Variants in DHX30 observed in about 807,000 individuals in gnomAD.
DHX30 encodes DExH-box helicase 30, also known as ATP-dependent RNA helicase DHX30.
A neutral mutation model predicts 116.9 loss-of-function variants in DHX30; 4 were observed. The observed-to-expected ratio is 0.03, with a 90% CI of 0.02 to 0.08. The LOEUF (loss-of-function observed/expected upper bound fraction) is 0.08. Ranked by LOEUF, DHX30 falls within the 10% of genes least tolerant of loss-of-function variation. The pLI is 1.00. For missense variants in DHX30, 871 were observed against 1,595.1 expected (o/e 0.55, Z 7.73); for synonymous variants, 697 against 651.7 (o/e 1.07, Z -1.06).
intron 4 of DHX30, among the ~76,000 whole-genome samples, chr3:47,826,612 A>AT: frequency 1.3e-5 from 2 of 152,070 alleles, no homozygotes; most frequent in African/African-American, 4.8e-5. Context: ...GGCCTGGCTA[A>AT]TTTTTTGTAT....
At chr3:47,824,759 CCCAACAGCCTCATT>C (rs2036465806) in intron 4 of DHX30, 1 of 366,690 alleles carries the variant, frequency 2.7e-6, no homozygotes, top group African/African-American at 2.1e-5. Flanking sequence ...TTATTTTCCC[CCCAACAGCCTCATT>C]CCATCTTCCT....
rs754495880 is a variant in DHX30 at position 47,848,532 on chromosome 3, A to C, written c.2557A>C (p.Ile853Leu). The change falls in exon 16 of 22, where the codon ATC (isoleucine) becomes CTC (leucine). Residue 853 changes from isoleucine to leucine, a missense_variant. Ile to Leu is a conservative substitution (Grantham distance 5, BLOSUM62 2). Around this residue, in one of 13 missense-constraint regions of DHX30, gnomAD observed 238 missense variants for 481.0 expected, o/e 0.49. Transcript: ENST00000445061. This position sits in a 1 kb window ranked among gnomAD's most constrained non-coding sequence, Gnocchi z 9.4. The stretch of plus-strand genomic sequence containing the variant: ...CATCAAGGCAGTGGACGAGGCTGTG[A>C]TCTTGCTCCAGGAGATCGGTATGTA... ...PNIKAVDEAV[I>L]LLQEIGVLDQ... 1 of 1,612,154 alleles carries C rather than the reference A, an allele frequency of 6.2e-7. No individual in the cohort carries two copies. Among genetic ancestry groups the C allele is most frequent in the Admixed American group, 1.7e-5 (1 of 59,942 alleles).
chr3:47,847,988 C>G lies in DHX30; in HGVS notation c.2286+32C>G, dbSNP rs200060419. The G allele has an allele frequency of 1.2e-6, 2 of 1,609,972 alleles. No homozygotes were observed. The highest frequency in any genetic ancestry group is 1.3e-5 in the African/African-American group (1 of 75,020). On this transcript the variant is annotated intron_variant, in intron 14 of 21. Coordinates refer to ENST00000445061, the MANE Select transcript of DHX30 (RefSeq NM_138615.3). The surrounding 1 kb of genome is among the most constrained non-coding windows in gnomAD (Gnocchi z 5.5). ...CCTACCTCCTGGGCCCGGCCAACCACTGGGGGAGGGACTCCGTTTTGAGGT... is the reference window on the plus strand; with the variant it reads ...CCTACCTCCTGGGCCCGGCCAACCAGTGGGGGAGGGACTCCGTTTTGAGGT...
intron 2 of DHX30, among the ~76,000 whole-genome samples, chr3:47,805,897 G>A (rs1161491688): frequency 6.6e-6 from 1 of 152,160 alleles, no homozygotes; most frequent in East Asian, 1.9e-4. Flanking sequence ...ATCCCCAAGT[G>A]ACTCTACCTG....
rs201095898 is a variant in DHX30 at position 47,846,587 on chromosome 3, C to T, written c.1515C>T (p.His505=). The T allele has an allele frequency of 9.9e-5, 160 of 1,614,146 alleles. No individual in the cohort carries two copies. Among genetic ancestry groups the T allele is most frequent in the Non-Finnish European group, 1.3e-4 (149 of 1,180,034 alleles). ...TGTCTGTGGCACAGCGGGTCAGCCACGAACTGGGCCCCTCCCTGCGCCGGA... is the reference window on the plus strand; with the variant it reads ...TGTCTGTGGCACAGCGGGTCAGCCATGAACTGGGCCCCTCCCTGCGCCGGA... ...SAVSVAQRVS[H]ELGPSLRRNV... is the part of the protein sequence containing the mutation. The change falls in exon 11 of 22, where the codon CAC becomes CAT. Residue 505 remains histidine, a synonymous_variant. Coordinates refer to ENST00000445061, the MANE Select transcript of DHX30 (RefSeq NM_138615.3).
chr3:47,819,372 G>A, intron 4 of DHX30: 1 of 1,036,592 alleles, frequency 9.6e-7, no homozygotes, highest in African/African-American at 1.6e-5. Context: ...ACACGCGGAG[G>A]AGAACACTGA....
chr3:47,828,239 C>G (rs2036636115), intron 5 of DHX30, among the ~76,000 whole-genome samples: 6 of 151,416 alleles, frequency 4.0e-5, no homozygotes, highest in Admixed American at 4.0e-4. Context: ...TAGGGAGGAT[C>G]CCTTGAGCCC....
intron 10 of DHX30, 136 bp from the exon 11 acceptor site, chr3:47,846,029 A>G (rs1164164996): frequency 2.2e-6 from 3 of 1,388,130 alleles, no homozygotes; most frequent in Non-Finnish European, 2.9e-6. Flanking sequence ...ATCCCGGGGC[A>G]GTCATGGACT....
intron 4 of DHX30, among the ~76,000 whole-genome samples, chr3:47,825,552 T>G (rs1466886430): frequency 6.6e-6 from 1 of 152,164 alleles, no homozygotes; most frequent in Non-Finnish European, 1.5e-5. Flanking sequence ...GGCTAGAGCT[T>G]CTAGGGACAA....
In DHX30 at chr3:47,848,403, C is replaced by T. The variant is rs1202350682; in HGVS notation, c.2493+17C>T. 1 of 1,613,728 alleles carries T rather than the reference C, an allele frequency of 6.2e-7. No homozygotes were observed. Among genetic ancestry groups the T allele is most frequent in the Non-Finnish European group, 8.5e-7 (1 of 1,179,946 alleles). ...GAGAAGACGGTGCGGCGGGGCGGGG[C>T]AGGGGCTGGCCTGGGGACCAGGCAG... On this transcript the variant is annotated intron_variant, in intron 15 of 21. Coordinates refer to ENST00000445061, the MANE Select transcript of DHX30 (RefSeq NM_138615.3). The surrounding 1 kb of genome is among the most constrained non-coding windows in gnomAD (Gnocchi z 9.4).
At chr3:47,827,607 A>T in intron 5 of DHX30, 130 bp downstream of exon 5, 1 of 1,268,858 alleles carries the variant, frequency 7.9e-7, no homozygotes, top group Non-Finnish European at 1.1e-6. Context: ...GTCAGCAGAG[A>T]CTCAGAGCAA....
intron 8 of DHX30, chr3:47,842,604 T>C (rs2037429609): frequency 6.5e-6 from 1 of 152,674 alleles, no homozygotes; most frequent in Non-Finnish European, 1.5e-5. Context: ...ATCGAGCCCC[T>C]TCCTCGTGGC....
Position 47,848,688 on chromosome 3 carries a change from C to A in DHX30, c.2640C>A (p.Asp880Glu), listed in dbSNP as rs748267741. ...LGQRLAHIST[D>E]PRLAKAIVLA... The stretch of plus-strand genomic sequence containing the variant: ...AGCGCCTGGCTCACATCTCCACCGA[C>A]CCCCGGTTGGCCAAGGCCATTGTGT... The change falls in exon 17 of 22, where the codon GAC becomes GAA. Residue 880 changes from aspartate to glutamate, a missense_variant. Transcript: ENST00000445061. This position sits in a 1 kb window ranked among gnomAD's most constrained non-coding sequence, Gnocchi z 9.4. 6.2e-7 allele frequency: 1 copy of A among 1,614,158 alleles called. No individual in the cohort carries two copies. Among genetic ancestry groups the A allele is most frequent in the Non-Finnish European group, 8.5e-7 (1 of 1,180,006 alleles).
chr3:47,810,936 C>T (rs1363431113), intron 3 of DHX30, among the ~76,000 whole-genome samples: 1 of 152,220 alleles, frequency 6.6e-6, no homozygotes, highest in Non-Finnish European at 1.5e-5. Flanking sequence ...CTGCGTACTC[C>T]CTGCTTATTA....
At chr3:47,827,622 A>G (rs1038518649) in intron 5 of DHX30, 145 bp downstream of exon 5, 3 of 1,170,356 alleles carry the variant, frequency 2.6e-6, no homozygotes, top group Admixed American at 6.0e-5. Context: ...GAGCAAAGCT[A>G]GGTTTGAAGA....
At chr3:47,839,280 C>CTTTTTTTTT (rs59932351) in intron 6 of DHX30, among the ~76,000 whole-genome samples, 1 of 129,806 alleles carries the variant, frequency 7.7e-6, no homozygotes, top group African/African-American at 3.0e-5. Context: ...CTTATATTCT[C>CTTTTTTTTT]TTTTTTTTTT....
intron 6 of DHX30, among the ~76,000 whole-genome samples, chr3:47,833,772 C>T (rs943127818): frequency 2.0e-5 from 3 of 151,486 alleles, no homozygotes; most frequent in South Asian, 2.1e-4. Context: ...GCAGGAGAAT[C>T]GGTTGAACCC....
Position 47,813,205 on chromosome 3 carries a change from C to T in DHX30, c.28+2494C>T, listed in dbSNP as rs768033641. On this transcript the variant is annotated intron_variant, in intron 3 of 21. Transcript: ENST00000445061. Reference sequence around the variant, plus strand: ...TACAAAATAAAAAATTAGCCGGGTGCGGTGGTGGGTGCCTATAGTCCCAGC... The same window carrying T: ...TACAAAATAAAAAATTAGCCGGGTGTGGTGGTGGGTGCCTATAGTCCCAGC... Among the ~76,000 whole-genome samples, 49 of 151,812 alleles carry T rather than the reference C, an allele frequency of 3.2e-4. 1 individual carries two copies. Among genetic ancestry groups the T allele is most frequent in the African/African-American group, 8.5e-4 (35 of 41,322 alleles).
chr3:47,828,035 T>C (rs1468155034), intron 5 of DHX30, among the ~76,000 whole-genome samples: 1 of 151,882 alleles, frequency 6.6e-6, no homozygotes, highest in Non-Finnish European at 1.5e-5. Context: ...ATTTTTTTTA[T>C]TTTTTGTAGA....
Sources: allele counts gnomAD v4.1 joint callset (sites outside exome capture counted in the v4.1 genomes callset), GRCh38; gene constraint gnomAD v4.1.1; regional missense constraint gnomAD v4.1.1; non-coding constraint Gnocchi (gnomAD v3.1); transcripts MANE v1.5; gene names NCBI Gene and HGNC (gene_info 2026-07-23, HGNC 2026-07-21).